The following CLCN7 variants were observed in gnomAD, a reference collection of about 807,000 sequenced individuals.
CLCN7 encodes Cl-/H+ antiporter 7.
Under a neutral mutation model 102.1 loss-of-function variants are expected in CLCN7, and 60 were observed. The observed-to-expected ratio is 0.59, with a 90% CI of 0.48 to 0.73. CLCN7 has a LOEUF of 0.73. Among genes scored for constraint, CLCN7 ranks in the 30% least tolerant of loss-of-function variants. CLCN7 has a pLI of 0.00. For missense variants in CLCN7, 962 were observed against 1,125.7 expected, an observed-to-expected ratio of 0.85 and a Z score of 2.08; for synonymous variants, 560 against 490.5, an observed-to-expected ratio of 1.14 and a Z score of -1.87.
intron 13 of CLCN7, 32 bp from the exon 14 acceptor site, chr16:1,453,926 C>T: frequency 6.2e-7 from 1 of 1,611,882 alleles, no homozygotes; most frequent in East Asian, 2.2e-5. Flanking sequence ...GTCAGCGACA[C>T]CGGAGGAAAA....
chr16:1,451,210 T>A, intron 16 of CLCN7, among the ~76,000 whole-genome samples: 1 of 151,826 alleles, frequency 6.6e-6, no homozygotes, highest in East Asian at 1.9e-4. Flanking sequence ...CCAGGCTGGG[T>A]TTTCTTTTGT....
intron 1 of CLCN7, chr16:1,474,254 C>T (rs2039118972): frequency 4.4e-6 from 2 of 455,346 alleles, no homozygotes; most frequent in South Asian, 1.6e-5. Flanking sequence ...AAATTCAACT[C>T]GGTGCGAAGG....
rs777172728 is a variant in CLCN7 at position 1,447,000 on chromosome 16, G to A, written c.2331+6C>T. On this transcript the variant is annotated splice_donor_region_variant and intron_variant, in intron 24 of 24. Coordinates refer to ENST00000382745, the MANE Select transcript of CLCN7 (RefSeq NM_001287.6). ...GCATGCCTGCACCCCCACCGCCCCC[G>A]CTCACCTGATTGCGGTTGTCCACCA... 33 of 1,581,048 alleles carry A rather than the reference G, an allele frequency of 2.1e-5. No homozygotes were observed. The highest frequency in any genetic ancestry group is 5.3e-5 in the Admixed American group (3 of 57,108).
chr16:1,452,511 G>T lies in CLCN7; in HGVS notation c.1353+244C>A, dbSNP rs1187290694. 4 of 555,504 alleles carry T rather than the reference G, an allele frequency of 7.2e-6. No individual in the cohort carries two copies. The East Asian group carries it at 1.2e-4, about 17-fold the overall frequency. The allele number at this position is 555,504 out of a possible 1,614,324, so 34.4% of individuals were successfully genotyped here. A position where few individuals can be genotyped will look rare whatever the true frequency, so the allele number is the denominator to read the frequency against. On this transcript the variant is annotated intron_variant, in intron 15 of 24. Transcript: ENST00000382745. ...CTCGCCCCGTCAGGCTGCCATTCTG[G>T]GAAGAGGACTGGGGGGAGCCTCTGG...
chr16:1,462,675 A>AC (rs1272258370), intron 2 of CLCN7, among the ~76,000 whole-genome samples: 3 of 137,294 alleles, frequency 2.2e-5, no homozygotes, highest in Admixed American at 7.2e-5. Context: ...CAAAAAAAAA[A>AC]AAAAAAAAAA....
chr16:1,452,410 C>G, intron 15 of CLCN7: 1 of 351,480 alleles, frequency 2.8e-6, no homozygotes, highest in Non-Finnish European at 5.4e-6. Context: ...GAGCGCCAGG[C>G]ACAGGTCCAG....
At chr16:1,449,625 A>C in intron 17 of CLCN7, 1 of 485,220 alleles carries the variant, frequency 2.1e-6, no homozygotes, top group Non-Finnish European at 3.7e-6. Context: ...GTCCAGCATG[A>C]GGAGTGAAAC....
intron 11 of CLCN7, 40 bp from the exon 12 acceptor site, chr16:1,455,290 G>A (rs750215769): frequency 7.0e-6 from 9 of 1,283,738 alleles, no homozygotes; most frequent in Admixed American, 3.4e-5. Context: ...TCAGAGCCAC[G>A]CTCCCAGCCC....
chr16:1,460,434 A>G lies in CLCN7; in HGVS notation c.578T>C (p.Ile193Thr), dbSNP rs766039100. 1 of 1,613,254 alleles carries G rather than the reference A, an allele frequency of 6.2e-7. No homozygotes were observed. Among genetic ancestry groups the G allele is most frequent in the Non-Finnish European group, 8.5e-7 (1 of 1,179,476 alleles). The stretch of plus-strand genomic sequence containing the variant: ...GCCACCCACCTCTATGAAAGCCACA[A>G]TCACAGAGCCCACGAGCACGAAGGC... The part of the protein sequence containing the change: ...NAAFVLVGSV[I>T]VAFIEPVAAG... Residue 193 changes from isoleucine to threonine, a missense_variant, in exon 6 of 25, where the codon ATT becomes ACT. Coordinates refer to ENST00000382745, the MANE Select transcript of CLCN7 (RefSeq NM_001287.6).
intron 9 of CLCN7, among the ~76,000 whole-genome samples, chr16:1,456,621 C>T (rs143933146): frequency 0.013 from 1,956 of 152,264 alleles, 41 homozygotes; most frequent in African/African-American, 0.045. Flanking sequence ...GGCGGATCAC[C>T]TGAGGTCGGG....
chr16:1,461,482 G>A lies in CLCN7; in HGVS notation c.286-12C>T. On this transcript the variant is annotated splice_polypyrimidine_tract_variant and intron_variant, in intron 3 of 24. Transcript: ENST00000382745. ...TCATAGTCCAAGCTCTGCAGGCCGG[G>A]ACAGCAAGGGCAGCACTCAGCACCG... 1.3e-6 allele frequency: 2 copies of A among 1,587,346 alleles called. 1 individual carries two copies. Among genetic ancestry groups the A allele is most frequent in the South Asian group, 2.3e-5 (2 of 87,940 alleles).
rs772204382 is a variant in CLCN7, at chr16:1,456,159, G to A, written c.870C>T (p.Ser290=). The A allele has an allele frequency of 1.3e-5, 20 of 1,567,634 alleles. No homozygotes were observed. The highest frequency in any genetic ancestry group is 1.7e-4 in the Middle Eastern group (1 of 6,030). ...CTGACACTCCGGCCGCAGCCCCTGC[G>A]GAGACGAAGTCCCGCTTCTCTGTGT... is the stretch of plus-strand genomic sequence containing the variant. ...RRDTEKRDFV[S]AGAAAGVSAA... The change falls in exon 10 of 25, where the codon TCC becomes TCT. Residue 290 remains serine (S), a synonymous_variant. Coordinates refer to ENST00000382745, the MANE Select transcript of CLCN7 (RefSeq NM_001287.6).
At chr16:1,466,146 C>T (rs546818949) in intron 1 of CLCN7, among the ~76,000 whole-genome samples, 2 of 152,368 alleles carry the variant, frequency 1.3e-5, no homozygotes, top group South Asian at 4.1e-4. Flanking sequence ...ATGCGCAGGG[C>T]GCCCGCCATC....
chr16:1,457,174 A>T lies in CLCN7; in HGVS notation c.822+80T>A. 1 of 1,316,954 alleles carries T rather than the reference A, an allele frequency of 7.6e-7. No individual in the cohort carries two copies. The highest frequency in any genetic ancestry group is 1.1e-6 in the Non-Finnish European group (1 of 910,582). The allele number at this position is 1,316,954 out of a possible 1,614,324, so 81.6% of individuals were successfully genotyped here. On this transcript the variant is annotated intron_variant, in intron 9 of 24. Coordinates refer to ENST00000382745, the MANE Select transcript of CLCN7 (RefSeq NM_001287.6). The surrounding 1 kb of genome is among the most constrained non-coding windows in gnomAD (Gnocchi z 5.4). ...TGGGGCTCTCGGCCTGGGGGTGCTG[A>T]GGGAAGCCCATCTCCCTGAGTGGTG...
At chr16:1,456,259 C>T in intron 9 of CLCN7, 53 bp from the exon 10 acceptor site, 1 of 1,380,764 alleles carries the variant, frequency 7.2e-7, no homozygotes, top group African/African-American at 1.4e-5. Context: ...GCACGGCTCT[C>T]AGAAAGGGAG....
intron 14 of CLCN7, 67 bp downstream of exon 14, chr16:1,453,767 C>A: frequency 6.9e-7 from 1 of 1,444,714 alleles, no homozygotes; most frequent in Middle Eastern, 1.7e-4. Flanking sequence ...CATTCCACCA[C>A]GTCCGCTTTC....
chr16:1,448,695 G>C lies in CLCN7; in HGVS notation c.1869C>G (p.His623Gln). The C allele has an allele frequency of 6.2e-7, 1 of 1,612,764 alleles. No homozygotes were observed. The highest frequency in any genetic ancestry group is 8.5e-7 in the Non-Finnish European group (1 of 1,179,974). ...FLHWEAPVTS[H>Q]SLTAREVMST... is the part of the protein sequence containing the mutation. ...GGGCGCTGTACCTGGCAGTGAGTGAGTGTGAGGTGACCGGGGCCTCCCAGT... is the reference window on the plus strand; with the variant it reads ...GGGCGCTGTACCTGGCAGTGAGTGACTGTGAGGTGACCGGGGCCTCCCAGT... The change falls in exon 20 of 25, where the codon CAC (histidine) becomes CAG (glutamine). Residue 623 changes from histidine (H) to glutamine (Q), a missense_variant. This residue lies in a region of CLCN7 where 799 missense variants were observed against 988.0 expected (regional missense o/e 0.81). Coordinates refer to ENST00000382745, the MANE Select transcript of CLCN7 (RefSeq NM_001287.6).
At chr16:1,467,095 C>T (rs919543820) in intron 1 of CLCN7, among the ~76,000 whole-genome samples, 6 of 151,254 alleles carry the variant, frequency 4.0e-5, no homozygotes, top group Non-Finnish European at 7.3e-5. Flanking sequence ...AACCTGGGCA[C>T]GTGCCACTGG....
chr16:1,450,364 C>A, intron 17 of CLCN7, 133 bp downstream of exon 17: 1 of 947,682 alleles, frequency 1.1e-6, no homozygotes, highest in Non-Finnish European at 1.6e-6. Context: ...CACGCGAGGA[C>A]AACGCCCACG....
Sources: gnomAD v4.1 joint callset for allele counts (sites outside exome capture counted in the v4.1 genomes callset) on GRCh38, gnomAD v4.1.1 for gene constraint, gnomAD v4.1.1 regional missense constraint, Gnocchi (gnomAD v3.1) non-coding constraint, MANE v1.5 for transcripts, NCBI Gene and HGNC (gene_info 2026-07-23, HGNC 2026-07-21) for gene names.